Variants in LRRIQ3 observed in about 807,000 individuals in gnomAD.
LRRIQ3 encodes leucine-rich repeat and IQ domain-containing protein 3.
Under a neutral mutation model 59.3 loss-of-function variants are expected in LRRIQ3, and 75 were observed. The ratio of observed to expected loss-of-function variants is 1.26; its 90% CI spans 1.05 to 1.53. LRRIQ3 has a LOEUF of 1.53. LRRIQ3 is among the 40% of genes most tolerant of loss of function. LRRIQ3 has a pLI of 0.00. For synonymous variants in LRRIQ3, 250 were observed against 231.3 expected (o/e 1.08, Z -0.73); for missense variants, 831 against 710.0 (o/e 1.17, Z -1.94).
At chr1:74,101,828 A>G (rs1423129228) in intron 5 of LRRIQ3, among the ~76,000 whole-genome samples, 1 of 152,092 alleles carries the variant, frequency 6.6e-6, no homozygotes, top group Non-Finnish European at 1.5e-5. Flanking sequence ...CAAACACCGC[A>G]TGTTCTCACT....
intron 3 of LRRIQ3, among the ~76,000 whole-genome samples, chr1:74,175,308 G>T (rs1480844318): frequency 2.0e-5 from 3 of 152,142 alleles, no homozygotes; most frequent in African/African-American, 7.2e-5. Context: ...ATATCTGTTT[G>T]CCCACCACTA....
chr1:74,148,040 A>T (rs1293793005), intron 4 of LRRIQ3, among the ~76,000 whole-genome samples: 1 of 152,088 alleles, frequency 6.6e-6, no homozygotes, highest in African/African-American at 2.4e-5. Flanking sequence ...TCATTAAAAA[A>T]ATTTTTCAGC....
Position 74,109,517 on chromosome 1 carries a change from T to A in LRRIQ3, c.744A>T (p.Lys248Asn), listed in dbSNP as rs561324453. 1.4e-4 allele frequency: 226 copies of A among 1,567,016 alleles called. No individual in the cohort carries two copies. Among genetic ancestry groups the A allele is most frequent in the Non-Finnish European group, 1.8e-4 (210 of 1,162,680 alleles). ...VFFHKKKQQE[K>N]IIRGYEAKWI... is the part of the protein sequence containing the mutation. ...ATTTTGCTTCATATCCTCTAATAAT[T>A]TTTTCCTGCTGTTTTTTTTTGTGGA... The change falls in exon 5 of 8, where the codon AAA becomes AAT. Residue 248 changes from lysine (K) to asparagine (N), a missense_variant. Lys to Asn is a moderately conservative substitution (Grantham distance 94). Coordinates refer to ENST00000354431, the MANE Select transcript of LRRIQ3 (RefSeq NM_001105659.2).
intron 4 of LRRIQ3, among the ~76,000 whole-genome samples, chr1:74,150,929 A>C (rs1446523704): frequency 6.6e-6 from 1 of 151,954 alleles, no homozygotes; most frequent in Non-Finnish European, 1.5e-5. Flanking sequence ...TTAAGAAATA[A>C]ATATTTATTT....
At chr1:74,176,376 T>A (rs574588041) in intron 3 of LRRIQ3, among the ~76,000 whole-genome samples, 1 of 152,178 alleles carries the variant, frequency 6.6e-6, no homozygotes, top group Non-Finnish European at 1.5e-5. Flanking sequence ...CTTTCTTGTT[T>A]TCCAGATTTT....
chr1:74,076,017 G>T (rs966637753), intron 5 of LRRIQ3, among the ~76,000 whole-genome samples: 8 of 152,108 alleles, frequency 5.3e-5, no homozygotes, highest in African/African-American at 1.7e-4. Context: ...ATGAAGGGGA[G>T]GGTAAAGAAT....
rs143015235 is a variant in LRRIQ3 at position 74,054,739 on chromosome 1, A to AATATATATATAT, written c.998-12818_998-12807dup. Among the ~76,000 whole-genome samples the AATATATATATAT allele has an allele frequency of 2.4e-3, 344 of 141,756 alleles. 2 individuals are homozygous for AATATATATATAT. Among genetic ancestry groups the AATATATATATAT allele is most frequent in the South Asian group, 4.5e-3 (20 of 4,492 alleles). The allele number at this position is 141,756 out of a possible 152,430, so 93.0% of individuals were successfully genotyped here. ...TAATTACAAAAAGGAAGAAAACACA[A>AATATATATATAT]ATATATATATATATATATCTATATA... is the stretch of plus-strand genomic sequence containing the variant. On this transcript the variant is annotated intron_variant, in intron 6 of 7. Coordinates refer to ENST00000354431, the MANE Select transcript of LRRIQ3 (RefSeq NM_001105659.2).
intron 1 of LRRIQ3, among the ~76,000 whole-genome samples, chr1:74,191,854 A>T (rs1213344624): frequency 1.3e-5 from 2 of 152,120 alleles, no homozygotes; most frequent in Non-Finnish European, 2.9e-5. Flanking sequence ...GAATCATATA[A>T]GCTGCCATTT....
chr1:74,160,485 G>C (rs1290817197), intron 3 of LRRIQ3, among the ~76,000 whole-genome samples: 1 of 151,952 alleles, frequency 6.6e-6, no homozygotes, highest in Non-Finnish European at 1.5e-5. Flanking sequence ...CCAGTACTCA[G>C]ATTCATGGTG....
chr1:74,075,276 C>T (rs1646191989), intron 5 of LRRIQ3, among the ~76,000 whole-genome samples: 1 of 151,972 alleles, frequency 6.6e-6, no homozygotes, highest in Non-Finnish European at 1.5e-5. Flanking sequence ...CATGTTAAAA[C>T]TACAAATGGG....
intron 4 of LRRIQ3, among the ~76,000 whole-genome samples, chr1:74,132,820 T>C (rs1647048301): frequency 6.6e-6 from 1 of 152,120 alleles, no homozygotes; most frequent in Non-Finnish European, 1.5e-5. Context: ...ACTTCATGTC[T>C]AAAACATCAA....
At chr1:74,192,598 T>C (rs1380164402) in intron 1 of LRRIQ3, among the ~76,000 whole-genome samples, 5 of 152,132 alleles carry the variant, frequency 3.3e-5, no homozygotes, top group Admixed American at 2.6e-4. Context: ...CCCCATACAC[T>C]ATATTAATTT....
At chr1:74,174,639 C>T (rs1649530539) in intron 3 of LRRIQ3, among the ~76,000 whole-genome samples, 1 of 151,558 alleles carries the variant, frequency 6.6e-6, no homozygotes, top group African/African-American at 2.4e-5. Context: ...GGTGATCCAC[C>T]TGCCTTGGCC....
intron 3 of LRRIQ3, among the ~76,000 whole-genome samples, chr1:74,170,780 C>A (rs564478918): frequency 1.1e-3 from 173 of 152,166 alleles, no homozygotes; most frequent in Non-Finnish European, 2.0e-3. Flanking sequence ...GACATTTTAA[C>A]AATACTAATT....
chr1:74,168,385 T>C (rs534265045), intron 3 of LRRIQ3, among the ~76,000 whole-genome samples: 1 of 152,230 alleles, frequency 6.6e-6, no homozygotes, highest in African/African-American at 2.4e-5. Context: ...CTTTATCAGA[T>C]ATTCATACAG....
intron 3 of LRRIQ3, among the ~76,000 whole-genome samples, chr1:74,166,682 C>G (rs571656567): frequency 6.6e-6 from 1 of 151,828 alleles, no homozygotes; most frequent in Non-Finnish European, 1.5e-5. Context: ...AAATTTTCCT[C>G]TAAGCATTGC....
At chr1:74,165,061 G>A (rs531132455) in intron 3 of LRRIQ3, among the ~76,000 whole-genome samples, 1 of 151,406 alleles carries the variant, frequency 6.6e-6, no homozygotes, top group South Asian at 2.1e-4. Flanking sequence ...TCTTGATTAC[G>A]ATAGCTACAC....
At chr1:74,167,552 A>C (rs1557650079) in intron 3 of LRRIQ3, among the ~76,000 whole-genome samples, 1 of 151,752 alleles carries the variant, frequency 6.6e-6, no homozygotes, top group Non-Finnish European at 1.5e-5. Context: ...CGACACTCTA[A>C]ACTTCCACAT....
At chr1:74,046,872 T>C (rs372274701) in intron 6 of LRRIQ3, among the ~76,000 whole-genome samples, 29 of 152,266 alleles carry the variant, frequency 1.9e-4, no homozygotes, top group Middle Eastern at 3.4e-3. Context: ...TTGGTCATTA[T>C]AGAAATGCAA....
Sources: gnomAD v4.1 joint callset for allele counts (sites outside exome capture counted in the v4.1 genomes callset) on GRCh38, gnomAD v4.1.1 for gene constraint, MANE v1.5 for transcripts, NCBI Gene and HGNC (gene_info 2026-07-23, HGNC 2026-07-21) for gene names.